The following GALNTL6 variants were observed in gnomAD, a reference collection of about 807,000 sequenced individuals.
GALNTL6 encodes polypeptide N-acetylgalactosaminyltransferase like 6.
In GALNTL6, 46 loss-of-function variants were observed where a neutral mutation model predicts 73.7. The ratio of observed to expected loss-of-function variants is 0.62; its 90% confidence interval spans 0.49 to 0.80. GALNTL6 has a LOEUF of 0.80. Ranked by LOEUF, GALNTL6 falls within the 30% of genes least tolerant of loss-of-function variation. The pLI is 0.00. For missense variants in GALNTL6, 604 were observed against 755.0 expected (o/e 0.80, Z 2.34); for synonymous variants, 259 against 263.7 (o/e 0.98, Z 0.17).
intron 3 of GALNTL6, among the ~76,000 whole-genome samples, chr4:172,261,509 A>G (rs1191536792): frequency 6.6e-6 from 1 of 151,378 alleles, no homozygotes; most frequent in Non-Finnish European, 1.5e-5. Context: ...TTTCTTGGTT[A>G]ATCTCACTAA....
intron 5 of GALNTL6, among the ~76,000 whole-genome samples, chr4:172,591,819 C>G (rs1029777391): frequency 1.3e-5 from 2 of 152,122 alleles, no homozygotes; most frequent in African/African-American, 4.8e-5. Flanking sequence ...GAAAAGTCGT[C>G]AAAATTGAGA....
intron 5 of GALNTL6, among the ~76,000 whole-genome samples, chr4:172,776,736 A>G (rs965939975): frequency 5.3e-5 from 8 of 152,238 alleles, no homozygotes; most frequent in African/African-American, 1.7e-4. Context: ...TGCAAACTCA[A>G]CTGTGCTTGG....
At chr4:171,959,889 A>AG in intron 2 of GALNTL6, among the ~76,000 whole-genome samples, 2 of 152,250 alleles carry the variant, frequency 1.3e-5, no homozygotes, top group African/African-American at 4.8e-5. Context: ...AGGCCATTTT[A>AG]GAAGACCTTC....
chr4:172,290,747 TATC>T (rs1306275028), intron 3 of GALNTL6, among the ~76,000 whole-genome samples: 12 of 151,806 alleles, frequency 7.9e-5, no homozygotes, highest in Non-Finnish European at 1.8e-4. Context: ...ATATTTATCA[TATC>T]ATATAATAAT....
intron 8 of GALNTL6, among the ~76,000 whole-genome samples, chr4:172,895,918 T>G (rs1207762271): frequency 1.3e-5 from 2 of 152,256 alleles, no homozygotes; most frequent in Non-Finnish European, 2.9e-5. Flanking sequence ...TCTCTTGCAT[T>G]TTTCATTTCA....
intron 2 of GALNTL6, among the ~76,000 whole-genome samples, chr4:172,006,259 A>T (rs1740837770): frequency 6.6e-6 from 1 of 152,168 alleles, no homozygotes; most frequent in Non-Finnish European, 1.5e-5. Flanking sequence ...ATTTTAGGGC[A>T]GTTAGGCATG....
intron 2 of GALNTL6, among the ~76,000 whole-genome samples, chr4:172,064,676 G>A (rs1322904308): frequency 3.9e-5 from 6 of 152,068 alleles, no homozygotes; most frequent in African/African-American, 7.2e-5. Context: ...TTCAGTTTGG[G>A]CACAGTTGAT....
chr4:173,031,148 A>G (rs1297982445), intron 12 of GALNTL6, among the ~76,000 whole-genome samples: 1 of 152,176 alleles, frequency 6.6e-6, no homozygotes, highest in African/African-American at 2.4e-5. Context: ...TTCTTCATTT[A>G]TAAAATGGGA....
Position 172,207,341 on chromosome 4 carries a change from A to G in GALNTL6, c.139-22315A>G, listed in dbSNP as rs542245699. On this transcript the variant is annotated intron_variant, in intron 2 of 12. Transcript: ENST00000506823. ...GTGGATTATAGGAAGACGAGAAAAT[A>G]CTGGGGAACAAAATGGGGATGCTTT... Among the ~76,000 whole-genome samples the G allele has an allele frequency of 3.9e-5, 6 of 152,264 alleles. No homozygotes were observed. The East Asian group carries it at 7.7e-4, about 20-fold the overall frequency.
At position 172,355,990 on chromosome 4, in the gene GALNTL6, G is replaced by A. The variant is rs137963277; in HGVS notation, c.553+7301G>A. 1.9e-3 allele frequency among the ~76,000 whole-genome samples: 296 copies of A among 152,264 alleles called. 1 individual carries two copies. Among genetic ancestry groups the A allele is most frequent in the African/African-American group, 6.8e-3 (283 of 41,568 alleles). ...TTTTAAACTAATACTTTTAAAGGTA[G>A]AGAAAAGCATCAGGTGTTGGATAAG... is the stretch of plus-strand genomic sequence containing the variant. On this transcript the variant is annotated intron_variant, in intron 5 of 12. Transcript: ENST00000506823.
chr4:172,996,540 TA>T (rs796305921), intron 10 of GALNTL6, among the ~76,000 whole-genome samples: 56 of 152,280 alleles, frequency 3.7e-4, no homozygotes, highest in African/African-American at 1.3e-3. Flanking sequence ...GAACCTAAAA[TA>T]AAGTTAAAAC....
At chr4:172,800,960 A>T (rs575674138) in intron 5 of GALNTL6, among the ~76,000 whole-genome samples, 3 of 152,278 alleles carry the variant, frequency 2.0e-5, no homozygotes, top group African/African-American at 7.2e-5. Flanking sequence ...TTCTACTCAG[A>T]TTACTTCATT....
intron 2 of GALNTL6, among the ~76,000 whole-genome samples, chr4:171,968,764 T>G (rs935793326): frequency 5.9e-5 from 9 of 151,568 alleles, no homozygotes; most frequent in African/African-American, 2.2e-4. Context: ...TCTCAGTCAG[T>G]GAACTCTGGG....
chr4:172,269,011 GT>G (rs1738546583), intron 3 of GALNTL6, among the ~76,000 whole-genome samples: 1 of 152,110 alleles, frequency 6.6e-6, no homozygotes, highest in Middle Eastern at 3.2e-3. Context: ...GGAGATGAGC[GT>G]GGCCCATCAC....
At chr4:172,724,536 C>A (rs1735680220) in intron 5 of GALNTL6, among the ~76,000 whole-genome samples, 1 of 152,178 alleles carries the variant, frequency 6.6e-6, no homozygotes, top group Non-Finnish European at 1.5e-5. Flanking sequence ...AGCCTTTGCA[C>A]AACTGTCTTG....
intron 2 of GALNTL6, among the ~76,000 whole-genome samples, chr4:171,923,337 G>A (rs1023242630): frequency 5.3e-5 from 8 of 151,830 alleles, no homozygotes; most frequent in East Asian, 1.9e-4. Flanking sequence ...GACTATAGAC[G>A]AGGCTGAGTT....
At chr4:172,317,274 A>G (rs564600029) in intron 4 of GALNTL6, among the ~76,000 whole-genome samples, 136 of 152,230 alleles carry the variant, frequency 8.9e-4, no homozygotes, top group Admixed American at 1.8e-3. Context: ...ATTGACTTGC[A>G]TGACTTGCAT....
chr4:172,540,794 G>C (rs967420641), intron 5 of GALNTL6, among the ~76,000 whole-genome samples: 6 of 152,216 alleles, frequency 3.9e-5, no homozygotes, highest in Admixed American at 3.9e-4. Context: ...AGAAAGGAAT[G>C]CTTGAGCTAA....
At chr4:173,036,003 T>C (rs191739369) in intron 12 of GALNTL6, among the ~76,000 whole-genome samples, 73 of 152,202 alleles carry the variant, frequency 4.8e-4, no homozygotes, top group African/African-American at 1.7e-3. Context: ...AGTGATTTTA[T>C]ATCTATTAAC....
Sources: allele counts gnomAD v4.1 joint callset (sites outside exome capture counted in the v4.1 genomes callset), GRCh38; gene constraint gnomAD v4.1.1; transcripts MANE v1.5; gene names NCBI Gene and HGNC (gene_info 2026-07-23, HGNC 2026-07-21).